The following ABCA13 variants were observed in gnomAD, a reference collection of about 807,000 sequenced individuals.
ABCA13 encodes ATP binding cassette subfamily A member 13.
A neutral mutation model predicts 478.7 loss-of-function variants in ABCA13; 476 were observed. The observed-to-expected ratio is 0.99, with a 90% confidence interval of 0.92 to 1.07. ABCA13 has a LOEUF of 1.07. ABCA13 is among the 50% of genes least tolerant of loss of function. ABCA13 has a pLI of 0.00. For missense variants in ABCA13, 6,060 were observed against 5,910.6 expected, an observed-to-expected ratio of 1.03 and a Z score of -0.83; for synonymous variants, 2,252 against 2,158.9, an observed-to-expected ratio of 1.04 and a Z score of -1.20.
chr7:48,496,832 C>T (rs1402730909), intron 48 of ABCA13, among the ~76,000 whole-genome samples: 1 of 152,010 alleles, frequency 6.6e-6, no homozygotes, highest in Non-Finnish European at 1.5e-5. Flanking sequence ...TTCCTTCTCT[C>T]TTTGTGACGG....
chr7:48,237,839 G>T (rs1790197204), intron 8 of ABCA13, among the ~76,000 whole-genome samples: 1 of 152,240 alleles, frequency 6.6e-6, no homozygotes, highest in Non-Finnish European at 1.5e-5. Flanking sequence ...GTCCCAGGGA[G>T]CCTGATGGCT....
intron 15 of ABCA13, among the ~76,000 whole-genome samples, chr7:48,258,556 T>C (rs1793724369): frequency 6.6e-6 from 1 of 152,196 alleles, no homozygotes; most frequent in South Asian, 2.1e-4. Context: ...ATTGATCTTT[T>C]GTATGTTTTT....
chr7:48,433,577 G>A (rs948015707), intron 42 of ABCA13, among the ~76,000 whole-genome samples: 86 of 151,412 alleles, frequency 5.7e-4, no homozygotes, highest in African/African-American at 1.9e-3. Context: ...CAGCTCAGTG[G>A]CATTACGCAC....
intron 3 of ABCA13, among the ~76,000 whole-genome samples, chr7:48,214,936 G>A (rs1446417433): frequency 6.6e-6 from 1 of 152,064 alleles, no homozygotes; most frequent in Non-Finnish European, 1.5e-5. Context: ...TTAGTGAATT[G>A]CATTTATTAA....
chr7:48,460,981 A>C (rs1353479628), intron 43 of ABCA13, among the ~76,000 whole-genome samples: 1 of 152,180 alleles, frequency 6.6e-6, no homozygotes, highest in African/African-American at 2.4e-5. Flanking sequence ...ATATATGTAC[A>C]ACTTCCTTCT....
intron 1 of ABCA13, among the ~76,000 whole-genome samples, chr7:48,182,556 C>G (rs1226452673): frequency 6.6e-6 from 1 of 152,082 alleles, no homozygotes; most frequent in Admixed American, 6.5e-5. Context: ...GCCAAAGTCT[C>G]TAGCTCAATG....
At chr7:48,226,035 T>G (rs1788158790) in intron 5 of ABCA13, among the ~76,000 whole-genome samples, 1 of 152,100 alleles carries the variant, frequency 6.6e-6, no homozygotes, top group African/African-American at 2.4e-5. Context: ...GAATGGAATG[T>G]GGGGCCTGGT....
intron 48 of ABCA13, among the ~76,000 whole-genome samples, chr7:48,498,664 G>A (rs923696025): frequency 6.6e-6 from 1 of 152,132 alleles, no homozygotes; most frequent in Non-Finnish European, 1.5e-5. Flanking sequence ...CCCACATTCT[G>A]TACCTAGTGA....
chr7:48,425,404 T>C (rs1460520900), intron 41 of ABCA13, among the ~76,000 whole-genome samples: 2 of 152,208 alleles, frequency 1.3e-5, no homozygotes, highest in East Asian at 3.8e-4. Flanking sequence ...TAGAATAAGA[T>C]ATAAAGGAAA....
chr7:48,510,970 T>C (rs1585651642), intron 50 of ABCA13, 114 bp from the exon 51 acceptor site: 1 of 890,150 alleles, frequency 1.1e-6, no homozygotes, highest in African/African-American at 1.7e-5. Context: ...ACTCCTAATG[T>C]GCAAAATAGG....
At position 48,273,824 on chromosome 7, in the gene ABCA13, C is replaced by A; in HGVS notation, c.4158C>A (p.Asn1386Lys). 1 of 1,611,962 alleles carries A rather than the reference C, an allele frequency of 6.2e-7. No individual in the cohort carries two copies. Among genetic ancestry groups the A allele is most frequent in the Non-Finnish European group, 8.5e-7 (1 of 1,178,802 alleles). ...TAAATTCCACATTTTCCTCTGAGAA[C>A]ACAATTAGCAGTCTGAAAGGATGCA... is the stretch of plus-strand genomic sequence containing the variant. ...DTLNSTFSSE[N>K]TISSLKGCIV... The change falls in exon 17 of 62, where the codon AAC (asparagine) becomes AAA (lysine). Residue 1386 changes from asparagine to lysine, a missense_variant. Asn to Lys is a moderately conservative substitution (Grantham distance 94). Coordinates refer to ENST00000435803, the MANE Select transcript of ABCA13 (RefSeq NM_152701.5).
intron 24 of ABCA13, among the ~76,000 whole-genome samples, chr7:48,312,310 A>C (rs1269999121): frequency 6.6e-6 from 1 of 152,218 alleles, no homozygotes; most frequent in Admixed American, 6.5e-5. Context: ...AAGAGCTGGC[A>C]TTTCCTCATT....
chr7:48,602,821 T>A (rs1227968485), intron 58 of ABCA13, among the ~76,000 whole-genome samples: 1 of 152,144 alleles, frequency 6.6e-6, no homozygotes, highest in African/African-American at 2.4e-5. Context: ...TTTTGGACAG[T>A]ATGGCCATTT....
intron 39 of ABCA13, 140 bp from the exon 40 acceptor site, chr7:48,410,380 C>A (rs950475932): frequency 9.9e-7 from 1 of 1,014,150 alleles, no homozygotes; most frequent in Non-Finnish European, 1.5e-6. Context: ...GTGGCCAGGA[C>A]GCATTTCAAT....
intron 2 of ABCA13, among the ~76,000 whole-genome samples, chr7:48,196,745 A>T (rs1797987478): frequency 6.6e-6 from 1 of 152,028 alleles, no homozygotes; most frequent in African/African-American, 2.4e-5. Flanking sequence ...ACCATTTCTG[A>T]TGTGTTCCTG....
intron 3 of ABCA13, among the ~76,000 whole-genome samples, chr7:48,203,245 C>G (rs906159307): frequency 1.3e-5 from 2 of 152,168 alleles, no homozygotes; most frequent in African/African-American, 4.8e-5. Flanking sequence ...CACCGGAACT[C>G]CAGCTGGCCC....
Position 48,580,267 on chromosome 7 carries a change from A to T in ABCA13, c.14398A>T (p.Ile4800Phe), listed in dbSNP as rs1230606625. The T allele has an allele frequency of 1.2e-6, 2 of 1,611,430 alleles. No individual in the cohort carries two copies. The change falls in exon 56 of 62, where the codon ATT becomes TTT. Residue 4800 changes from isoleucine (I) to phenylalanine (F), a missense_variant. By Grantham distance (21) the Ile-to-Phe change is conservative (BLOSUM62 0). Coordinates refer to ENST00000435803, the MANE Select transcript of ABCA13 (RefSeq NM_152701.5). ...LSSAGTAGVL[I>F]GYCPQQDALD... ...TTCTGCTGGCACGGCAGGCGTGCTC[A>T]TTGGCTACTGTCCCCAGCAGGATGC...
At chr7:48,554,794 C>A (rs1785628857) in intron 55 of ABCA13, among the ~76,000 whole-genome samples, 1 of 149,452 alleles carries the variant, frequency 6.7e-6, no homozygotes, top group African/African-American at 2.5e-5. Context: ...TTCTTCCTTT[C>A]TAGTGTGGAT....
At chr7:48,250,962 G>A (rs1792462850) in intron 15 of ABCA13, among the ~76,000 whole-genome samples, 1 of 152,118 alleles carries the variant, frequency 6.6e-6, no homozygotes, top group Non-Finnish European at 1.5e-5. Flanking sequence ...CTTTTCTGTG[G>A]CTATTACGAC....
Sources: allele counts gnomAD v4.1 joint callset (sites outside exome capture counted in the v4.1 genomes callset), GRCh38; gene constraint gnomAD v4.1.1; transcripts MANE v1.5; gene names NCBI Gene and HGNC (gene_info 2026-07-23, HGNC 2026-07-21).